Variants in NRG3 observed in about 807,000 individuals in gnomAD.
NRG3 encodes pro-neuregulin-3, membrane-bound isoform.
In NRG3, 31 loss-of-function variants were observed where a neutral mutation model predicts 66.9. The observed-to-expected ratio is 0.46, with a 90% CI of 0.35 to 0.63. The LOEUF (loss-of-function observed/expected upper bound fraction) is 0.63. NRG3 is among the 20% of genes least tolerant of loss of function. The probability of loss-of-function intolerance (pLI) is 0.00; values close to 1 mark genes in which losing one functional copy is unlikely to be tolerated. For missense variants in NRG3, 910 were observed against 878.9 expected (o/e 1.04, Z -0.45); for synonymous variants, 393 against 359.4 (o/e 1.09, Z -1.06).
intron 2 of NRG3, among the ~76,000 whole-genome samples, chr10:82,539,890 G>A (rs554567792): frequency 6.6e-5 from 10 of 152,050 alleles, no homozygotes; most frequent in East Asian, 5.8e-4. Flanking sequence ...CCTTGGCCTC[G>A]CAAAGTGCTG....
chr10:82,925,943 AG>A, intron 4 of NRG3, among the ~76,000 whole-genome samples: 1 of 152,242 alleles, frequency 6.6e-6, no homozygotes, highest in Non-Finnish European at 1.5e-5. Context: ...CATGCATTTT[AG>A]GGGATTTGAG....
intron 1 of NRG3, among the ~76,000 whole-genome samples, chr10:81,934,888 T>C (rs966948199): frequency 1.3e-5 from 2 of 152,214 alleles, no homozygotes; most frequent in African/African-American, 4.8e-5. Context: ...TAGCATATTA[T>C]GACAACATGC....
At chr10:82,454,529 A>C (rs2091182786) in intron 2 of NRG3, among the ~76,000 whole-genome samples, 1 of 152,210 alleles carries the variant, frequency 6.6e-6, no homozygotes, top group African/African-American at 2.4e-5. Flanking sequence ...GTAAAATATA[A>C]TGTATTATTA....
intron 1 of NRG3, among the ~76,000 whole-genome samples, chr10:82,029,163 C>T (rs2062453304): frequency 1.3e-5 from 2 of 152,040 alleles, no homozygotes; most frequent in South Asian, 2.1e-4. Context: ...GATCAGAGAT[C>T]GCATCACTGC....
At chr10:82,631,318 C>T (rs1313872780) in intron 2 of NRG3, among the ~76,000 whole-genome samples, 1 of 152,170 alleles carries the variant, frequency 6.6e-6, no homozygotes, top group Non-Finnish European at 1.5e-5. Flanking sequence ...ATCATGACTT[C>T]TGCTAAAAAC....
intron 4 of NRG3, among the ~76,000 whole-genome samples, chr10:82,916,892 A>G (rs2132024240): frequency 6.6e-6 from 1 of 152,338 alleles, no homozygotes; most frequent in Non-Finnish European, 1.5e-5. Context: ...CTGGGATTAC[A>G]GGCGTAAGCC....
At chr10:82,794,593 G>C (rs2060719390) in intron 3 of NRG3, among the ~76,000 whole-genome samples, 2 of 152,122 alleles carry the variant, frequency 1.3e-5, no homozygotes, top group African/African-American at 4.8e-5. Flanking sequence ...GCAGAAGAAA[G>C]CATGTTAATT....
At chr10:82,408,143 G>GAAAGAAAGAAAGAAAGAA (rs1554911339) in intron 2 of NRG3, among the ~76,000 whole-genome samples, 1 of 139,024 alleles carries the variant, frequency 7.2e-6, no homozygotes, top group Admixed American at 7.2e-5. Context: ...AAGAAAGAAA[G>GAAAGAAAGAAAGAAAGAA]AAAAGAAAAA....
chr10:82,765,724 T>C (rs963816864), intron 3 of NRG3, among the ~76,000 whole-genome samples: 2 of 152,190 alleles, frequency 1.3e-5, no homozygotes, highest in African/African-American at 4.8e-5. Context: ...GGTATCCTGA[T>C]CCAAAATGAT....
At chr10:82,582,490 A>G (rs2046413847) in intron 2 of NRG3, among the ~76,000 whole-genome samples, 1 of 152,114 alleles carries the variant, frequency 6.6e-6, no homozygotes, top group Non-Finnish European at 1.5e-5. Context: ...CAGTTAGATC[A>G]TTCTTGGACA....
chr10:82,247,035 G>C (rs916078447), intron 1 of NRG3, among the ~76,000 whole-genome samples: 1 of 152,186 alleles, frequency 6.6e-6, no homozygotes, highest in Non-Finnish European at 1.5e-5. Context: ...TTCAGCTGCA[G>C]TGCCAGCTGC....
intron 2 of NRG3, among the ~76,000 whole-genome samples, chr10:82,546,585 A>G (rs1321240544): frequency 1.3e-5 from 2 of 152,322 alleles, no homozygotes; most frequent in African/African-American, 4.8e-5. Flanking sequence ...TATAGATGGG[A>G]TTTTAATTAT....
At chr10:82,753,753 C>T (rs185782974) in intron 3 of NRG3, among the ~76,000 whole-genome samples, 1 of 152,002 alleles carries the variant, frequency 6.6e-6, no homozygotes, top group African/African-American at 2.4e-5. Context: ...TTGAGACCAT[C>T]CTGGCCAACA....
intron 3 of NRG3, among the ~76,000 whole-genome samples, chr10:82,805,632 A>G (rs781514071): frequency 5.3e-5 from 8 of 152,014 alleles, no homozygotes; most frequent in Non-Finnish European, 1.0e-4. Context: ...TGTATGGAGG[A>G]TGGAAGCAGA....
At chr10:82,543,040 T>C (rs1225990482) in intron 2 of NRG3, among the ~76,000 whole-genome samples, 1 of 152,030 alleles carries the variant, frequency 6.6e-6, no homozygotes, top group East Asian at 1.9e-4. Flanking sequence ...TACAGGGACA[T>C]GCCACCATAC....
At chr10:82,142,704 C>T (rs2069891630) in intron 1 of NRG3, among the ~76,000 whole-genome samples, 1 of 150,964 alleles carries the variant, frequency 6.6e-6, no homozygotes, top group South Asian at 2.1e-4. Context: ...TGGGGGATGT[C>T]CTAGTATAAG....
At chr10:82,973,640 G>T (rs1044326579) in intron 6 of NRG3, 148 bp from the exon 7 acceptor site, 1 of 783,128 alleles carries the variant, frequency 1.3e-6, no homozygotes, top group Non-Finnish European at 2.1e-6. Context: ...TTGGAAACAG[G>T]ACACAAATTA....
rs535390653 is a variant in NRG3, at chr10:82,344,543, T to C, written c.824-14196T>C. Among the ~76,000 whole-genome samples, 164 of 145,350 alleles carry C rather than the reference T, an allele frequency of 1.1e-3. 4 individuals carry two copies. In the South Asian group the frequency reaches 0.019, roughly 17 times the overall value. ...AAACATACGTATGCATGTGTCTTTATAGCAGCATGATTTGTAGTCCTTTGG... is the reference window on the plus strand; with the variant it reads ...AAACATACGTATGCATGTGTCTTTACAGCAGCATGATTTGTAGTCCTTTGG... On this transcript the variant is annotated intron_variant, in intron 1 of 8. Transcript: ENST00000372141.
intron 2 of NRG3, among the ~76,000 whole-genome samples, chr10:82,376,808 C>A (rs1014435140): frequency 6.6e-6 from 1 of 152,212 alleles, no homozygotes; most frequent in South Asian, 2.1e-4. Context: ...CATCCTCACT[C>A]TTTTCATTCT....
Sources: allele counts gnomAD v4.1 joint callset (sites outside exome capture counted in the v4.1 genomes callset), GRCh38; gene constraint gnomAD v4.1.1; transcripts MANE v1.5; gene names NCBI Gene and HGNC (gene_info 2026-07-23, HGNC 2026-07-21).